MYO15B: variants seen among roughly 807,000 people sequenced by gnomAD.
The protein encoded by MYO15B is myosin XVB.
Under a neutral mutation model 119.3 loss-of-function variants are expected in MYO15B, and 207 were observed. The ratio of observed to expected loss-of-function variants is 1.73; its 90% CI spans 1.55 to 1.95. The LOEUF (loss-of-function observed/expected upper bound fraction) is 1.95, where lower values mean the gene tolerates loss of function less well. MYO15B is among the 30% of genes most tolerant of loss of function. The pLI is 0.00. For synonymous variants in MYO15B, 966 were observed against 498.9 expected (o/e 1.94, Z -12.48); for missense variants, 2,264 against 1,203.1 (o/e 1.88, Z -13.04).
chr17:75,600,954 A>T (rs2057243753), intron 14 of MYO15B, among the ~76,000 whole-genome samples: 1 of 137,012 alleles, frequency 7.3e-6, no homozygotes, highest in Non-Finnish European at 1.5e-5. Flanking sequence ...CCCAGGCTGT[A>T]GTGCAATGGT....
intron 53 of MYO15B, among the ~76,000 whole-genome samples, chr17:75,623,108 G>C (rs1272635482): frequency 1.3e-5 from 2 of 152,228 alleles, no homozygotes; most frequent in East Asian, 3.8e-4. Context: ...GAGGCAGGTG[G>C]ATCACCTGAG....
exon 46 of MYO15B, chr17:75,619,733 G>A (rs372768754): frequency 1.6e-5 from 11 of 702,766 alleles, no homozygotes; most frequent in South Asian, 5.9e-5. Flanking sequence ...CGTGGGCTGC[G>A]ACTGCTCAAG....
intron 14 of MYO15B, among the ~76,000 whole-genome samples, chr17:75,601,183 G>A (rs748727067): frequency 8.1e-5 from 12 of 148,080 alleles, no homozygotes; most frequent in Non-Finnish European, 1.8e-4. Flanking sequence ...GATTACATGC[G>A]TGAGCCACCG....
At chr17:75,588,299 G>C (rs1490221828) in exon 1 of MYO15B, 2 of 398,256 alleles carry the variant, frequency 5.0e-6, no homozygotes, top group Admixed American at 4.4e-5. Flanking sequence ...AGACGCCCAG[G>C]GGCTGGGCTG....
rs1355767145 is a variant in MYO15B, at chr17:75,592,277, T to A, written c.2691T>A (p.Leu897=). The A allele has an allele frequency of 1.1e-5, 8 of 702,738 alleles. No homozygotes were observed. The Admixed American group carries it at 1.4e-4, about 12-fold the overall frequency. 43.5% of individuals were successfully genotyped at this position (702,738 alleles called of 1,614,324 possible). A position where few individuals can be genotyped will look rare whatever the true frequency, so the allele number is the denominator to read the frequency against. ...GAGCCTCTGTGTCTCATTATCTACT[T>A]GAGACCTCCAGGGTGGTGTTTCAGG... Residue 897 remains leucine, a synonymous_variant, in exon 7 of 64, where the codon CTT becomes CTA. Coordinates refer to ENST00000645453, the Ensembl canonical transcript of MYO15B.
chr17:75,622,216 T>C, intron 53 of MYO15B, 136 bp downstream of exon 53: 1 of 628,816 alleles, frequency 1.6e-6, no homozygotes, highest in Non-Finnish European at 2.9e-6. Flanking sequence ...TGCAGGGGGG[T>C]GTGGCTGTGA....
chr17:75,605,362 G>C (rs909041926), intron 19 of MYO15B, 142 bp from the exon 20 acceptor site: 2 of 591,294 alleles, frequency 3.4e-6, no homozygotes, highest in Middle Eastern at 9.1e-4. Flanking sequence ...GCCTGAACCC[G>C]GGAGGCGGAG....
At chr17:75,624,250 G>C (rs763329357) in exon 56 of MYO15B, 2 of 702,990 alleles carry the variant, frequency 2.8e-6, no homozygotes, top group South Asian at 3.0e-5. Flanking sequence ...CCCCCACCGG[G>C]TGAAATGAAG....
Position 75,591,159 on chromosome 17 carries a change from T to G in MYO15B, c.2361-13T>G. The G allele has an allele frequency of 1.4e-6, 1 of 702,882 alleles. No homozygotes were observed. Among genetic ancestry groups the G allele is most frequent in the Non-Finnish European group, 2.6e-6 (1 of 384,902 alleles). The allele number at this position is 702,882 out of a possible 1,614,324, so 43.5% of individuals were successfully genotyped here. On this transcript the variant is annotated splice_polypyrimidine_tract_variant and intron_variant, in intron 3 of 63. Coordinates refer to ENST00000645453, the Ensembl canonical transcript of MYO15B. ...CAGGTCCCCATGTCTGGCAACCTTC[T>G]CATCTCCCTCAGACACATCTTTGCC...
At chr17:75,601,541 A>T (rs768084874) in exon 15 of MYO15B, 39 of 703,050 alleles carry the variant, frequency 5.5e-5, no homozygotes. Flanking sequence ...GTGCGACATT[A>T]TGCAGGGACT....
chr17:75,595,892 C>G (rs2056826066), intron 12 of MYO15B, among the ~76,000 whole-genome samples: 1 of 152,232 alleles, frequency 6.6e-6, no homozygotes, highest in Admixed American at 6.5e-5. Flanking sequence ...CCCCTGCCCT[C>G]AGTCCCTGGA....
exon 49 of MYO15B, chr17:75,620,482 C>T (rs111583774): frequency 1.4e-6 from 1 of 702,634 alleles, no homozygotes; most frequent in Admixed American, 2.0e-5. Context: ...CAGTTTGGCT[C>T]TGCCGGGGGC....
chr17:75,615,572 A>G (rs1229387060), exon 35 of MYO15B: 1 of 701,542 alleles, frequency 1.4e-6, no homozygotes, highest in Admixed American at 2.0e-5. Context: ...CAGCAGCAGA[A>G]CTTTATCCAG....
At position 75,611,097 on chromosome 17, in the gene MYO15B, G is replaced by A. The variant is rs1043419011; in HGVS notation, c.4446+138G>A. On this transcript the variant is annotated intron_variant, in intron 23 of 63. Transcript: ENST00000645453. The stretch of plus-strand genomic sequence containing the variant: ...CATTGCACCTCCTGAGAAGAGGACC[G>A]GGGTGCTCTTGGCTCTTGGTTTCCC... 1.1e-5 allele frequency: 7 copies of A among 661,528 alleles called. No individual in the cohort carries two copies. The East Asian group carries it at 1.1e-4, about 10-fold the overall frequency. 41.0% of individuals were successfully genotyped at this position (661,528 alleles called of 1,614,324 possible). A position where few individuals can be genotyped will look rare whatever the true frequency, so the allele number is the denominator to read the frequency against.
At chr17:75,587,932 G>C in exon 1 of MYO15B, 1 of 396,522 alleles carries the variant, frequency 2.5e-6, no homozygotes, top group Non-Finnish European at 4.4e-6. Context: ...TCGGGGAGTA[G>C]AGCCTGTAGC....
intron 19 of MYO15B, among the ~76,000 whole-genome samples, chr17:75,604,134 T>C (rs11655992): frequency 0.052 from 7,853 of 152,156 alleles, 272 homozygotes; most frequent in Non-Finnish European, 0.081. Flanking sequence ...AGTCAGATCC[T>C]GAGAAGCTCC....
At chr17:75,624,148 C>A (rs1181406709) in intron 55 of MYO15B, 27 bp from the exon 56 acceptor site, 2 of 702,642 alleles carry the variant, frequency 2.8e-6, no homozygotes, top group Non-Finnish European at 5.2e-6. Context: ...ATGGCCATCT[C>A]ATAACCCCAG....
At chr17:75,594,548 C>T (rs1355476734) in exon 10 of MYO15B, 1 of 645,712 alleles carries the variant, frequency 1.5e-6, no homozygotes, top group African/African-American at 1.8e-5. Context: ...CTGCGGGTAC[C>T]ACCAGAGTGC....
intron 53 of MYO15B, among the ~76,000 whole-genome samples, chr17:75,623,560 T>C (rs1015653785): frequency 2.0e-5 from 3 of 152,200 alleles, no homozygotes; most frequent in African/African-American, 7.2e-5. Flanking sequence ...GGAAGCAGAT[T>C]GCAGTGAGCT....
Sources: allele counts gnomAD v4.1 joint callset (sites outside exome capture counted in the v4.1 genomes callset), GRCh38; gene constraint gnomAD v4.1.1; transcripts MANE v1.5; gene names NCBI Gene and HGNC (gene_info 2026-07-23, HGNC 2026-07-21).